Variants in PCDH15 observed in about 807,000 individuals in gnomAD.
PCDH15 encodes protocadherin related 15, also known as protocadherin-15.
PCDH15 carries 129 observed loss-of-function variants against 178.5 expected under a neutral mutation model. That is an observed-to-expected ratio of 0.72 (90% confidence interval 0.63 to 0.84). The LOEUF is 0.84. Among genes scored for constraint, PCDH15 ranks in the 40% least tolerant of loss-of-function variants. The pLI is 0.00. For synonymous variants in PCDH15, 800 were observed against 732.0 expected (o/e 1.09, Z -1.50); for missense variants, 2,230 against 2,099.9 (o/e 1.06, Z -1.21).
At chr10:53,829,569 G>A (rs1011117666) in intron 30 of PCDH15, among the ~76,000 whole-genome samples, 3 of 152,146 alleles carry the variant, frequency 2.0e-5, no homozygotes, top group South Asian at 2.1e-4. Context: ...AAAACAATTT[G>A]TTCAGTATCA....
intron 2 of PCDH15, among the ~76,000 whole-genome samples, chr10:55,422,452 G>A (rs1838645500): frequency 6.6e-6 from 1 of 151,850 alleles, no homozygotes; most frequent in South Asian, 2.1e-4. Flanking sequence ...TATATGGTAT[G>A]TCATATGGAA....
At chr10:55,091,078 T>A (rs1842306816) in intron 2 of PCDH15, among the ~76,000 whole-genome samples, 1 of 151,938 alleles carries the variant, frequency 6.6e-6, no homozygotes, top group Non-Finnish European at 1.5e-5. Flanking sequence ...AAAGACAGTT[T>A]TAAAAATAAA....
intron 2 of PCDH15, among the ~76,000 whole-genome samples, chr10:55,334,221 C>CATATAT (rs34468887): frequency 0.08 from 4,898 of 61,148 alleles, 166 homozygotes; most frequent in Non-Finnish European, 0.1. Context: ...TAGGGTGCTC[C>CATATAT]ATATATATAT....
At chr10:54,373,240 T>C (rs970033997) in intron 4 of PCDH15, among the ~76,000 whole-genome samples, 2 of 151,212 alleles carry the variant, frequency 1.3e-5, no homozygotes, top group Admixed American at 1.3e-4. Flanking sequence ...AATTTATTTT[T>C]CATAAAGTAT....
At chr10:55,616,127 T>C (rs1843469046) in intron 2 of PCDH15, among the ~76,000 whole-genome samples, 1 of 152,168 alleles carries the variant, frequency 6.6e-6, no homozygotes, top group Admixed American at 6.5e-5. Flanking sequence ...CTATTACTTC[T>C]GAATTTTCCA....
At chr10:53,841,896 G>T (rs1382102212) in intron 28 of PCDH15, among the ~76,000 whole-genome samples, 3 of 150,408 alleles carry the variant, frequency 2.0e-5, no homozygotes, top group Non-Finnish European at 4.4e-5. Flanking sequence ...GGGAGGTGGA[G>T]GTTGCAGTGA....
At chr10:55,280,890 C>T (rs1842717112) in intron 1 of PCDH15, among the ~76,000 whole-genome samples, 1 of 152,050 alleles carries the variant, frequency 6.6e-6, no homozygotes, top group Non-Finnish European at 1.5e-5. Context: ...ATATTTCATG[C>T]TGAAATGTAG....
intron 2 of PCDH15, among the ~76,000 whole-genome samples, chr10:55,516,980 A>C (rs999054132): frequency 6.6e-6 from 1 of 152,166 alleles, no homozygotes; most frequent in Non-Finnish European, 1.5e-5. Flanking sequence ...GATTTTCTCC[A>C]AAATGAGTAC....
chr10:53,824,322 C>T (rs779808069), intron 32 of PCDH15, among the ~76,000 whole-genome samples: 10 of 152,130 alleles, frequency 6.6e-5, no homozygotes, highest in South Asian at 6.2e-4. Flanking sequence ...TAGGTGGTTC[C>T]GAATTCTCAT....
At chr10:55,223,169 T>C (rs1454662374) in intron 1 of PCDH15, among the ~76,000 whole-genome samples, 1 of 152,120 alleles carries the variant, frequency 6.6e-6, no homozygotes, top group Non-Finnish European at 1.5e-5. Context: ...TATTTTCATT[T>C]AATTTGTTTA....
At chr10:54,737,879 G>A (rs903860652) in intron 1 of PCDH15, among the ~76,000 whole-genome samples, 2 of 152,038 alleles carry the variant, frequency 1.3e-5, no homozygotes, top group African/African-American at 4.8e-5. Context: ...GAGTCACAAA[G>A]CAAAATAAAT....
chr10:54,752,530 A>AAAAAAAACAAAC (rs1946480778), intron 1 of PCDH15, among the ~76,000 whole-genome samples: 2 of 43,886 alleles, frequency 4.6e-5, no homozygotes, highest in African/African-American at 7.3e-5. Context: ...ACAAACAAAC[A>AAAAAAAACAAAC]AAAAAAAACA....
At chr10:54,810,637 A>C (rs1309174100) in intron 3 of PCDH15, among the ~76,000 whole-genome samples, 1 of 152,198 alleles carries the variant, frequency 6.6e-6, no homozygotes, top group Non-Finnish European at 1.5e-5. Flanking sequence ...TTTCATTTTA[A>C]AACAAGTGTC....
intron 3 of PCDH15, among the ~76,000 whole-genome samples, chr10:54,440,090 G>C (rs778912504): frequency 6.6e-6 from 1 of 151,958 alleles, no homozygotes; most frequent in Non-Finnish European, 1.5e-5. Flanking sequence ...TAAGAGAATG[G>C]ATGCTGGCAA....
At chr10:54,746,303 T>G (rs2132889977) in intron 1 of PCDH15, among the ~76,000 whole-genome samples, 1 of 152,248 alleles carries the variant, frequency 6.6e-6, no homozygotes. Flanking sequence ...TCTGTTAAGA[T>G]ATACTGCTCA....
intron 2 of PCDH15, among the ~76,000 whole-genome samples, chr10:55,055,490 A>G (rs1488976463): frequency 6.6e-6 from 1 of 152,140 alleles, no homozygotes; most frequent in Non-Finnish European, 1.5e-5. Flanking sequence ...TTGAAACAAC[A>G]TAATACTCTT....
At chr10:53,945,137 T>G (rs972581654) in intron 23 of PCDH15, among the ~76,000 whole-genome samples, 2 of 152,246 alleles carry the variant, frequency 1.3e-5, no homozygotes, top group African/African-American at 4.8e-5. Flanking sequence ...AACAGCTGTG[T>G]ATTTTCAAAA....
At chr10:54,986,855 TA>T in intron 2 of PCDH15, among the ~76,000 whole-genome samples, 1 of 152,320 alleles carries the variant, frequency 6.6e-6, no homozygotes, top group South Asian at 2.1e-4. Context: ...TCCCTAGAGT[TA>T]TCAAGCAATA....
At chr10:54,553,262 G>A (rs1050237290) in intron 2 of PCDH15, among the ~76,000 whole-genome samples, 1 of 152,166 alleles carries the variant, frequency 6.6e-6, no homozygotes, top group African/African-American at 2.4e-5. Context: ...TCCCCTCTCT[G>A]ATGTGTCTTA....
Sources: gnomAD v4.1 joint callset for allele counts (sites outside exome capture counted in the v4.1 genomes callset) on GRCh38, gnomAD v4.1.1 for gene constraint, MANE v1.5 for transcripts, NCBI Gene and HGNC (gene_info 2026-07-23, HGNC 2026-07-21) for gene names.